The following PTBP3 variants were observed in gnomAD, a reference collection of about 807,000 sequenced individuals.
PTBP3 encodes the protein polypyrimidine tract binding protein 3.
A neutral mutation model predicts 58.7 loss-of-function variants in PTBP3; 20 were observed. That is an observed-to-expected ratio of 0.34 (90% CI 0.24 to 0.50). The LOEUF is 0.50. Ranked by LOEUF, PTBP3 falls within the 20% of genes least tolerant of loss-of-function variation. The pLI, the probability that PTBP3 is intolerant of heterozygous loss-of-function variation, is 0.98. For missense variants in PTBP3, 509 were observed against 637.2 expected, an observed-to-expected ratio of 0.80 and a Z score of 2.17; for synonymous variants, 185 against 219.8, an observed-to-expected ratio of 0.84 and a Z score of 1.40.
chr9:112,368,257 G>A, the PTBP3 span, among the ~76,000 whole-genome samples: 1 of 152,196 alleles, frequency 6.6e-6, no homozygotes, highest in Admixed American at 6.5e-5. Context: ...TGCAACCTTT[G>A]TCTCCCAGGT....
At chr9:112,351,123 C>T in the PTBP3 span, among the ~76,000 whole-genome samples, 4 of 152,126 alleles carry the variant, frequency 2.6e-5, no homozygotes, top group African/African-American at 9.7e-5. Flanking sequence ...AAAGTCCATA[C>T]TTTATTAAGA....
At chr9:112,277,191 T>C (rs906734867) in intron 2 of PTBP3, among the ~76,000 whole-genome samples, 1 of 152,144 alleles carries the variant, frequency 6.6e-6, no homozygotes, top group African/African-American at 2.4e-5. Flanking sequence ...TCCCAAATTC[T>C]CTATGTTCAT....
the PTBP3 span, among the ~76,000 whole-genome samples, chr9:112,374,263 C>G: frequency 6.6e-6 from 1 of 152,164 alleles, no homozygotes; most frequent in Admixed American, 6.5e-5. Context: ...ATCTTAACTT[C>G]CCATTTAATG....
In PTBP3 at chr9:112,223,682, A is replaced by C; in HGVS notation, c.*169T>G. The C allele has an allele frequency of 7.4e-7, 1 of 1,345,286 alleles. No homozygotes were observed. Among genetic ancestry groups the C allele is most frequent in the Non-Finnish European group, 9.5e-7 (1 of 1,048,402 alleles). The allele number at this position is 1,345,286 out of a possible 1,614,324, so 83.3% of individuals were successfully genotyped here. ...AAAGAAACCTTTGACTGGCGGGGGC[A>C]GGGGGAATACAAAAAAAAAAAATCC... On this transcript the variant is annotated 3_prime_UTR_variant, in exon 14 of 14. Transcript: ENST00000374257.
intron 5 of PTBP3, among the ~76,000 whole-genome samples, chr9:112,255,944 A>G (rs1219873359): frequency 6.6e-6 from 1 of 151,890 alleles, no homozygotes; most frequent in Non-Finnish European, 1.5e-5. Context: ...AGTTGTATCT[A>G]TTTCTTGGTT....
intron 2 of PTBP3, among the ~76,000 whole-genome samples, chr9:112,283,838 C>G (rs1040269116): frequency 1.3e-5 from 2 of 152,358 alleles, no homozygotes; most frequent in African/African-American, 4.8e-5. Context: ...ACTTGGTGCC[C>G]TGCATCCCAG....
the PTBP3 span, among the ~76,000 whole-genome samples, chr9:112,364,165 G>A: frequency 7.3e-6 from 1 of 137,252 alleles, no homozygotes. Context: ...ACTGTGGCTT[G>A]CTAGGTCAGT....
rs1214630642 is a variant in PTBP3 at position 112,333,491 on chromosome 9, G to A, written c.-73C>T. On this transcript the variant is annotated 5_prime_UTR_variant, in exon 1 of 14. Transcript: ENST00000374257. ...TTACCCATCCATGGCCCAGATGGAG[G>A]CGCGCACAGAGCAGGGACTGACGGG... 3 of 1,592,882 alleles carry A rather than the reference G, an allele frequency of 1.9e-6. No individual in the cohort carries two copies. The highest frequency in any genetic ancestry group is 2.6e-6 in the Non-Finnish European group (3 of 1,170,294).
In PTBP3 at chr9:112,297,861, T is replaced by C. The variant is rs756166244; in HGVS notation, c.5A>G (p.Asn2Ser). M[N>S]SSTPSTGVYA... is the part of the protein sequence containing the mutation. ...CACACCTGTAGAAGGAGTAGAACTA[T>C]TCATGGTAAAAGGTCCGTTAATGAT... The change falls in exon 2 of 14, where the codon AAT becomes AGT. Residue 2 changes from asparagine (N) to serine (S), a missense_variant. Asn to Ser is a conservative substitution (Grantham distance 46). Around this residue, in one of 4 missense-constraint regions of PTBP3, gnomAD observed 212 missense variants for 215.3 expected, o/e 0.98. Coordinates refer to ENST00000374257, the MANE Select transcript of PTBP3 (RefSeq NM_001163788.4). 4.2e-5 allele frequency: 67 copies of C among 1,609,584 alleles called. 2 individuals carry two copies. The South Asian group carries it at 5.5e-4, about 13-fold the overall frequency.
At chr9:112,312,530 C>T (rs1392501389) in intron 1 of PTBP3, among the ~76,000 whole-genome samples, 3 of 124,612 alleles carry the variant, frequency 2.4e-5, no homozygotes, top group Admixed American at 1.8e-4. Flanking sequence ...TGTGTGTGTG[C>T]GTTTACATCT....
chr9:112,333,444 C>G, intron 1 of PTBP3, 26 bp downstream of exon 1: 1 of 1,571,106 alleles, frequency 6.4e-7, no homozygotes, highest in Non-Finnish European at 8.6e-7. Flanking sequence ...CAACCCGGTG[C>G]GGCCGCCGCG....
rs551143198 is a variant in PTBP3 at position 112,249,098 on chromosome 9, T to A, written c.802+1831A>T. ...TAAAGTATTGAATGCTTTAAAAAAT[T>A]TTTAAGTTGCATTTAGGGATATATA... On this transcript the variant is annotated intron_variant, in intron 7 of 13. Transcript: ENST00000374257. 5.6e-4 allele frequency among the ~76,000 whole-genome samples: 86 copies of A among 152,256 alleles called. 1 individual carries two copies. Among genetic ancestry groups the A allele is most frequent in the Middle Eastern group, 3.4e-3 (1 of 294 alleles).
intron 3 of PTBP3, among the ~76,000 whole-genome samples, chr9:112,270,296 T>G (rs555210083): frequency 6.6e-6 from 1 of 152,280 alleles, no homozygotes; most frequent in Admixed American, 6.5e-5. Flanking sequence ...TGAAAAAAGG[T>G]TACACATAAA....
intron 1 of PTBP3, among the ~76,000 whole-genome samples, chr9:112,308,228 C>T (rs1209181951): frequency 1.1e-4 from 17 of 151,930 alleles, no homozygotes; most frequent in Admixed American, 1.1e-3. Flanking sequence ...GGTCTCACTT[C>T]GTTGTCCAGG....
At chr9:112,336,393 T>G (rs918987445), upstream of PTBP3, among the ~76,000 whole-genome samples, 2 of 152,114 alleles carry the variant, frequency 1.3e-5, no homozygotes, top group African/African-American at 2.4e-5. Flanking sequence ...ATCCTTTATA[T>G]AAAGCCTTTA....
chr9:112,296,276 A>T (rs1031317563), intron 2 of PTBP3, among the ~76,000 whole-genome samples: 18 of 152,158 alleles, frequency 1.2e-4, no homozygotes, highest in Admixed American at 7.2e-4. Flanking sequence ...AACAACACCT[A>T]AATAGAATGA....
intron 1 of PTBP3, among the ~76,000 whole-genome samples, chr9:112,315,479 G>A (rs2132411933): frequency 6.6e-6 from 1 of 152,174 alleles, no homozygotes; most frequent in African/African-American, 2.4e-5. Flanking sequence ...TAAAGAAATA[G>A]AAAATTTGTA....
Position 112,231,365 on chromosome 9 carries a change from C to A in PTBP3, c.1054+15G>T, listed in dbSNP as rs1403273179. On this transcript the variant is annotated intron_variant, in intron 10 of 13. Coordinates refer to ENST00000374257, the MANE Select transcript of PTBP3 (RefSeq NM_001163788.4). ...ACACCTGTAGACAATAATAAAATAG[C>A]AAAAATGAACTTACCAAATAGGATA... The A allele has an allele frequency of 6.4e-7, 1 of 1,572,408 alleles. No individual in the cohort carries two copies. The highest frequency in any genetic ancestry group is 1.8e-5 in the Admixed American group (1 of 56,296).
chr9:112,346,206 G>T, the PTBP3 span, among the ~76,000 whole-genome samples: 8 of 150,578 alleles, frequency 5.3e-5, no homozygotes, highest in African/African-American at 2.0e-4. Context: ...CTTGCTCTGT[G>T]GCCCAGGCCG....
Sources: gnomAD v4.1 joint callset for allele counts (sites outside exome capture counted in the v4.1 genomes callset) on GRCh38, gnomAD v4.1.1 for gene constraint, gnomAD v4.1.1 regional missense constraint, MANE v1.5 for transcripts, NCBI Gene and HGNC (gene_info 2026-07-23, HGNC 2026-07-21) for gene names.